RNF130: variants seen among roughly 807,000 people sequenced by gnomAD.
RNF130 encodes ring finger protein 130.
Under a neutral mutation model 44.6 loss-of-function variants are expected in RNF130, and 21 were observed. The ratio of observed to expected loss-of-function variants is 0.47; its 90% CI spans 0.33 to 0.68. The LOEUF (loss-of-function observed/expected upper bound fraction) is 0.68. Ranked by LOEUF, RNF130 falls within the 30% of genes least tolerant of loss-of-function variation. The pLI is 0.02. For synonymous variants in RNF130, 214 were observed against 210.4 expected, an observed-to-expected ratio of 1.02 and a Z score of -0.15; for missense variants, 479 against 560.6, an observed-to-expected ratio of 0.85 and a Z score of 1.47.
chr5:180,035,639 C>A (rs1764232558), intron 2 of RNF130, among the ~76,000 whole-genome samples: 1 of 152,166 alleles, frequency 6.6e-6, no homozygotes, highest in Non-Finnish European at 1.5e-5. Context: ...TCTGTTTCTC[C>A]TTCCCATTCT....
intron 4 of RNF130, 144 bp from the exon 5 acceptor site, chr5:179,978,429 A>C: frequency 1.7e-6 from 1 of 602,808 alleles, no homozygotes. Context: ...TTTTGTTTTT[A>C]TTTGCCTAAC....
At chr5:179,974,268 A>G (rs1466135114) in intron 5 of RNF130, among the ~76,000 whole-genome samples, 2 of 152,212 alleles carry the variant, frequency 1.3e-5, no homozygotes, top group South Asian at 4.1e-4. Flanking sequence ...AGTGGCATGG[A>G]AACATACGTT....
chr5:179,998,931 A>C (rs1291055527), intron 3 of RNF130, among the ~76,000 whole-genome samples: 1 of 143,900 alleles, frequency 6.9e-6, no homozygotes, highest in Non-Finnish European at 1.5e-5. Context: ...ATATATTTAC[A>C]ATGATTATAT....
intron 7 of RNF130, among the ~76,000 whole-genome samples, chr5:179,929,565 T>C (rs538467728): frequency 6.6e-4 from 101 of 151,998 alleles, no homozygotes; most frequent in Non-Finnish European, 1.2e-3. Flanking sequence ...CTGGGCAACA[T>C]GGCAAAATCC....
intron 3 of RNF130, among the ~76,000 whole-genome samples, chr5:180,007,840 G>A (rs1169969510): frequency 2.6e-5 from 4 of 152,182 alleles, no homozygotes; most frequent in African/African-American, 4.8e-5. Context: ...TGGGACAACC[G>A]TGAGCCTTTG....
chr5:179,930,977 G>A (rs1274195451), intron 7 of RNF130, among the ~76,000 whole-genome samples: 1 of 142,664 alleles, frequency 7.0e-6, no homozygotes, highest in Non-Finnish European at 1.5e-5. Flanking sequence ...AGGTTGCAGT[G>A]AGCTGAGATT....
chr5:180,029,097 C>G (rs910476142), intron 2 of RNF130, among the ~76,000 whole-genome samples: 2 of 152,196 alleles, frequency 1.3e-5, no homozygotes, highest in African/African-American at 4.8e-5. Context: ...AAATCCCAAT[C>G]TTGTGACTGT....
chr5:179,987,538 A>G (rs1939967949), intron 3 of RNF130, among the ~76,000 whole-genome samples: 2 of 152,206 alleles, frequency 1.3e-5, no homozygotes, highest in Non-Finnish European at 2.9e-5. Context: ...AGGGGGTGGT[A>G]GGTAGAAGTG....
chr5:180,055,668 C>T (rs1454446310), intron 1 of RNF130, among the ~76,000 whole-genome samples: 2 of 152,190 alleles, frequency 1.3e-5, no homozygotes, highest in Non-Finnish European at 2.9e-5. Flanking sequence ...CGAAATGATC[C>T]ACTTTTTACT....
intron 3 of RNF130, among the ~76,000 whole-genome samples, chr5:179,994,494 T>C (rs1348053510): frequency 6.6e-6 from 1 of 152,094 alleles, no homozygotes; most frequent in Non-Finnish European, 1.5e-5. Flanking sequence ...AGTTCTGGAG[T>C]GGACTTTTTT....
chr5:179,948,847 TAA>T (rs945968037), intron 7 of RNF130, among the ~76,000 whole-genome samples: 2 of 151,696 alleles, frequency 1.3e-5, no homozygotes, highest in African/African-American at 4.9e-5. Flanking sequence ...CTTATCAGGC[TAA>T]GACTGCCTTA....
chr5:180,065,846 A>G (rs185865329), intron 1 of RNF130, among the ~76,000 whole-genome samples: 1 of 151,804 alleles, frequency 6.6e-6, no homozygotes, highest in African/African-American at 2.4e-5. Flanking sequence ...TCTTTTTTTA[A>G]TTAAACTTTC....
In RNF130 at chr5:179,970,567, T is replaced by C. The variant is rs916789201; in HGVS notation, c.849-61A>G. 135 of 1,319,058 alleles carry C rather than the reference T, an allele frequency of 1.0e-4. 3 individuals carry two copies. The South Asian group carries it at 1.6e-3, about 16-fold the overall frequency. The allele number at this position is 1,319,058 out of a possible 1,614,324, so 81.7% of individuals were successfully genotyped here. On this transcript the variant is annotated intron_variant, in intron 5 of 8. Coordinates refer to ENST00000521389, the MANE Select transcript of RNF130 (RefSeq NM_018434.6). Reference sequence around the variant, plus strand: ...TACCAAGAAACTTATTAGGCCAAAATGGAAAGAAAGGGAATTTTTAGTTAA... The same window carrying C: ...TACCAAGAAACTTATTAGGCCAAAACGGAAAGAAAGGGAATTTTTAGTTAA...
chr5:180,025,945 T>G (rs1187505584), intron 2 of RNF130, among the ~76,000 whole-genome samples: 1 of 152,230 alleles, frequency 6.6e-6, no homozygotes, highest in Non-Finnish European at 1.5e-5. Context: ...GTGATTTCTT[T>G]TTACTTGTTT....
At chr5:179,921,563 C>G (rs1055471210) in intron 7 of RNF130, among the ~76,000 whole-genome samples, 1 of 152,144 alleles carries the variant, frequency 6.6e-6, no homozygotes, top group African/African-American at 2.4e-5. Flanking sequence ...TTTGGGAGGC[C>G]AAGGCGGGTG....
At chr5:180,002,695 T>C (rs1763371059) in intron 3 of RNF130, among the ~76,000 whole-genome samples, 1 of 152,156 alleles carries the variant, frequency 6.6e-6, no homozygotes, top group African/African-American at 2.4e-5. Context: ...CTGATCCTGG[T>C]TAGAGGATGG....
At chr5:179,955,707 G>A (rs779581441) in intron 8 of RNF130, 38 bp from the exon 9 acceptor site, 2 of 1,516,226 alleles carry the variant, frequency 1.3e-6, no homozygotes, top group South Asian at 1.2e-5. Flanking sequence ...ATAAATTAAA[G>A]AGTAGTCAAA....
In RNF130 at chr5:180,040,459, G is replaced by A; in HGVS notation, c.436C>T (p.His146Tyr). ...AACCCTCATTTTTGTTTACCTGGATGAGTCATGGTAACTGGCTCCTCTTTG... is the reference window on the plus strand; with the variant it reads ...AACCCTCATTTTTGTTTACCTGGATAAGTCATGGTAACTGGCTCCTCTTTG... ...KSKEEPVTMT[H>Y]PGTGDIIAVM... The change falls in exon 2 of 9, where the codon CAT becomes TAT. Residue 146 changes from histidine (H) to tyrosine (Y), a missense_variant. Coordinates refer to ENST00000521389, the MANE Select transcript of RNF130 (RefSeq NM_018434.6). The A allele has an allele frequency of 6.2e-7, 1 of 1,609,264 alleles. No homozygotes were observed. Among genetic ancestry groups the A allele is most frequent in the Admixed American group, 1.7e-5 (1 of 59,282 alleles).
intron 8 of RNF130, among the ~76,000 whole-genome samples, chr5:179,961,892 G>C (rs1423461749): frequency 1.3e-5 from 2 of 152,152 alleles, no homozygotes; most frequent in Non-Finnish European, 2.9e-5. Context: ...CAGTGGCATT[G>C]GCTTGGCTAA....
Sources: gnomAD v4.1 joint callset for allele counts (sites outside exome capture counted in the v4.1 genomes callset) on GRCh38, gnomAD v4.1.1 for gene constraint, MANE v1.5 for transcripts, NCBI Gene and HGNC (gene_info 2026-07-23, HGNC 2026-07-21) for gene names.